Variants in INTS10 observed in about 807,000 individuals in gnomAD.
INTS10 encodes integrator complex subunit 10.
Under a neutral mutation model 94.4 loss-of-function variants are expected in INTS10, and 44 were observed. The ratio of observed to expected loss-of-function variants is 0.47; its 90% CI spans 0.37 to 0.60. The LOEUF is 0.60. Among genes scored for constraint, INTS10 ranks in the 20% least tolerant of loss-of-function variants. The probability of loss-of-function intolerance (pLI) is 0.00; values close to 1 mark genes in which losing one functional copy is unlikely to be tolerated. For synonymous variants in INTS10, 341 were observed against 320.7 expected (o/e 1.06, Z -0.68); for missense variants, 797 against 868.7 (o/e 0.92, Z 1.04).
chr8:19,836,991 T>C (rs999180226), intron 12 of INTS10, 61 bp from the exon 13 acceptor site: 3 of 1,079,502 alleles, frequency 2.8e-6, no homozygotes, highest in African/African-American at 3.1e-5. Context: ...ATTTTGGTAC[T>C]TTATTTGATT....
chr8:19,835,638 G>T (rs999781836), intron 12 of INTS10, among the ~76,000 whole-genome samples: 26 of 152,300 alleles, frequency 1.7e-4, no homozygotes, highest in Admixed American at 1.7e-3. Context: ...GGCTAGCTCT[G>T]TGACATCGGT....
At position 19,843,658 on chromosome 8, in the gene INTS10, C is replaced by T. The variant is rs772557896; in HGVS notation, c.1720-418C>T. Among the ~76,000 whole-genome samples the T allele has an allele frequency of 2.6e-5, 4 of 152,194 alleles. No individual in the cohort carries two copies. Among genetic ancestry groups the T allele is most frequent in the African/African-American group, 2.4e-5 (1 of 41,446 alleles). ...CTCACCACCTTTCCTTCTCTGCAATCCCATGTTCTCTACAAACAGTTCTCT... is the reference window on the plus strand; with the variant it reads ...CTCACCACCTTTCCTTCTCTGCAATTCCATGTTCTCTACAAACAGTTCTCT... On this transcript the variant is annotated intron_variant, in intron 14 of 16. Transcript: ENST00000397977. This position sits in a 1 kb window ranked among gnomAD's most constrained non-coding sequence, Gnocchi z 4.7.
At chr8:19,822,100 ATCTC>A (rs2066425748) in intron 4 of INTS10, 1 of 175,386 alleles carries the variant, frequency 5.7e-6, no homozygotes, top group African/African-American at 2.4e-5. Flanking sequence ...TTCTTAGAAA[ATCTC>A]TCTACCTCTG....
intron 5 of INTS10, 124 bp from the exon 6 acceptor site, chr8:19,823,176 TA>T: frequency 2.8e-6 from 2 of 702,620 alleles, no homozygotes; most frequent in South Asian, 3.6e-5. Context: ...ACATGAGTCA[TA>T]AGGGATTTTT....
At chr8:19,840,633 A>G (rs966951781) in intron 13 of INTS10, among the ~76,000 whole-genome samples, 2 of 152,226 alleles carry the variant, frequency 1.3e-5, no homozygotes, top group African/African-American at 4.8e-5. Context: ...ATTTGATCAA[A>G]TGATTTTCGA....
At chr8:19,823,481 TA>T in intron 6 of INTS10, 40 bp downstream of exon 6, 1 of 1,378,092 alleles carries the variant, frequency 7.3e-7, no homozygotes, top group Non-Finnish European at 1.0e-6. Context: ...AAATAGGCTT[TA>T]GTAATATTGC....
intron 15 of INTS10, 80 bp from the exon 16 acceptor site, chr8:19,845,624 C>T (rs2068513095): frequency 2.1e-6 from 2 of 959,330 alleles, no homozygotes; most frequent in Non-Finnish European, 3.4e-6. Context: ...GCAAGTTACT[C>T]AACTGCCGAG....
chr8:19,843,776 C>G lies in INTS10; in HGVS notation c.1720-300C>G, dbSNP rs1406620911. Among the ~76,000 whole-genome samples the G allele has an allele frequency of 6.6e-6, 1 of 152,144 alleles. No homozygotes were observed. Among genetic ancestry groups the G allele is most frequent in the African/African-American group, 2.4e-5 (1 of 41,424 alleles). On this transcript the variant is annotated intron_variant, in intron 14 of 16. Coordinates refer to ENST00000397977, the MANE Select transcript of INTS10 (RefSeq NM_018142.4). The surrounding 1 kb of genome is among the most constrained non-coding windows in gnomAD (Gnocchi z 4.7). ...CCATTACACAGGATGAATCAGAGTT[C>G]TCTGCCCCTGATTCTCATATGCAAA...
In INTS10 at chr8:19,826,559, G is replaced by C; in HGVS notation, c.1140G>C (p.Met380Ile). The C allele has an allele frequency of 6.2e-7, 1 of 1,609,896 alleles. No homozygotes were observed. The highest frequency in any genetic ancestry group is 8.5e-7 in the Non-Finnish European group (1 of 1,178,718). ...TAGCTGAAGGAAGAGAAAAAACCAT[G>C]GTAAGGCTTTCAAATATACTTATTA... Reference protein sequence around the residue: ...RKLAEGREKTMSSDDEDCSAK... With the variant: ...RKLAEGREKTISSDDEDCSAK... Residue 380 changes from methionine to isoleucine, a missense_variant and splice_region_variant, in exon 9 of 17, where the codon ATG (methionine) becomes ATC (isoleucine). Physicochemically the swap from Met to Ile is conservative, Grantham distance 10. Transcript: ENST00000397977.
At chr8:19,850,946 C>T (rs578086403) in intron 16 of INTS10, among the ~76,000 whole-genome samples, 3 of 152,276 alleles carry the variant, frequency 2.0e-5, no homozygotes, top group East Asian at 1.9e-4. Flanking sequence ...GCCCAGACAG[C>T]GCAGGACCAC....
chr8:19,823,787 A>G (rs1302863423), intron 6 of INTS10, 86 bp from the exon 7 acceptor site: 26 of 1,205,796 alleles, frequency 2.2e-5, no homozygotes, highest in Non-Finnish European at 3.0e-5. Flanking sequence ...GTGCATTTTC[A>G]TGGGGAGTCA....
rs71205947 is a variant in INTS10 at position 19,817,443 on chromosome 8, TGGC to T, written c.-80_-78del. On this transcript the variant is annotated 5_prime_UTR_variant, in exon 1 of 17. Transcript: ENST00000397977. ...ACATGCGCAGTAGCCTCCCCCGCGGTGGCGGCGGCGGCGGCGGTGGCTGCCGTG... is the reference window on the plus strand; with the variant it reads ...ACATGCGCAGTAGCCTCCCCCGCGGTGGCGGCGGCGGCGGTGGCTGCCGTG... The T allele has an allele frequency of 1.8e-4, 268 of 1,478,632 alleles. No individual in the cohort carries two copies. The highest frequency in any genetic ancestry group is 4.8e-4 in the Middle Eastern group (2 of 4,164). The allele number at this position is 1,478,632 out of a possible 1,614,324, so 91.6% of individuals were successfully genotyped here.
chr8:19,841,902 C>T (rs2068162394), intron 13 of INTS10: 1 of 453,282 alleles, frequency 2.2e-6, no homozygotes. Flanking sequence ...ACATCTCAGA[C>T]AAGAAGAGAG....
At chr8:19,837,302 C>A in intron 13 of INTS10, 142 bp downstream of exon 13, 1 of 633,260 alleles carries the variant, frequency 1.6e-6, no homozygotes, top group Non-Finnish European at 2.8e-6. Context: ...CCAGCCTGGG[C>A]AATGTAGTGA....
At chr8:19,818,203 C>T (rs899508956) in intron 1 of INTS10, 72 bp from the exon 2 acceptor site, 1 of 1,474,102 alleles carries the variant, frequency 6.8e-7, no homozygotes, top group Non-Finnish European at 9.5e-7. Flanking sequence ...GGAGGGCCAA[C>T]GAGCGATGCT....
intron 13 of INTS10, among the ~76,000 whole-genome samples, chr8:19,839,381 G>T (rs2067934298): frequency 6.6e-6 from 1 of 152,026 alleles, no homozygotes; most frequent in Admixed American, 6.6e-5. Context: ...ATAAAGATCT[G>T]ACAAATATGA....
At chr8:19,830,336 C>T in intron 9 of INTS10, 70 bp from the exon 10 acceptor site, 1 of 1,350,486 alleles carries the variant, frequency 7.4e-7, no homozygotes, top group Non-Finnish European at 1.0e-6. Context: ...AAACTGGCAG[C>T]AATAATATGT....
rs1429320415 is a variant in INTS10, at chr8:19,823,889, T to C, written c.681T>C (p.Ser227=). 1.9e-6 allele frequency: 3 copies of C among 1,605,688 alleles called. No homozygotes were observed. Among genetic ancestry groups the C allele is most frequent in the South Asian group, 2.2e-5 (2 of 89,150 alleles). ...ENQHQGAQDT[S]DLMSPSKRSS... is the part of the protein sequence containing the mutation. ...ACATCTCAGGCGCCCAGGATACATCTGATTTAATGTCACCTAGCAAACGTA... is the reference window on the plus strand; with the variant it reads ...ACATCTCAGGCGCCCAGGATACATCCGATTTAATGTCACCTAGCAAACGTA... The change falls in exon 7 of 17, where the codon TCT becomes TCC. Residue 227 remains serine (S), a synonymous_variant. Transcript: ENST00000397977.
At chr8:19,825,590 CAA>C (rs1474722291) in intron 8 of INTS10, among the ~76,000 whole-genome samples, 1 of 150,954 alleles carries the variant, frequency 6.6e-6, no homozygotes, top group Non-Finnish European at 1.5e-5. Context: ...GAAGACATCA[CAA>C]GAGGCAAAGA....
Sources: allele counts gnomAD v4.1 joint callset (sites outside exome capture counted in the v4.1 genomes callset), GRCh38; gene constraint gnomAD v4.1.1; non-coding constraint Gnocchi (gnomAD v3.1); transcripts MANE v1.5; gene names NCBI Gene and HGNC (gene_info 2026-07-23, HGNC 2026-07-21).